The following GNB1L variants were observed in gnomAD, a reference collection of about 807,000 sequenced individuals.
The protein encoded by GNB1L is G protein subunit beta 1 like, also known as guanine nucleotide-binding protein subunit beta-like protein 1.
A neutral mutation model predicts 29.1 loss-of-function variants in GNB1L; 20 were observed. That is an observed-to-expected ratio of 0.69 (90% CI 0.48 to 1.00). The LOEUF (loss-of-function observed/expected upper bound fraction) is 1.00, where lower values mean the gene tolerates loss of function less well. GNB1L is among the 50% of genes least tolerant of loss of function. The pLI is 0.00. For synonymous variants in GNB1L, 193 were observed against 206.5 expected, an observed-to-expected ratio of 0.93 and a Z score of 0.56; for missense variants, 421 against 464.9, an observed-to-expected ratio of 0.91 and a Z score of 0.87.
intron 2 of GNB1L, chr22:19,847,210 AG>A (rs1277982508): frequency 1.0e-6 from 1 of 985,372 alleles, no homozygotes; most frequent in Non-Finnish European, 1.2e-6. Context: ...CAGGTCTGAC[AG>A]GCCCCAGCCA....
chr22:19,794,757 C>G (rs958656512), intron 7 of GNB1L, among the ~76,000 whole-genome samples: 1 of 152,122 alleles, frequency 6.6e-6, no homozygotes, highest in African/African-American at 2.4e-5. Context: ...CCGAGGCAGA[C>G]GGATCACGAG....
chr22:19,803,927 G>A (rs753968481), intron 6 of GNB1L, among the ~76,000 whole-genome samples: 3 of 152,256 alleles, frequency 2.0e-5, no homozygotes, highest in Admixed American at 6.5e-5. Context: ...TCCCATCACC[G>A]ATGTCCTTCT....
chr22:19,789,745 A>C (rs1205254012), intron 7 of GNB1L, among the ~76,000 whole-genome samples: 4 of 150,532 alleles, frequency 2.7e-5, no homozygotes, highest in African/African-American at 9.8e-5. Flanking sequence ...ACTCGGGAGG[A>C]GGATCACCTG....
chr22:19,838,994 C>A (rs367839588), intron 2 of GNB1L, among the ~76,000 whole-genome samples: 5 of 152,288 alleles, frequency 3.3e-5, no homozygotes, highest in Admixed American at 2.0e-4. Context: ...CAGAAAGGAA[C>A]AAACTATTGA....
chr22:19,845,596 G>A (rs938517296), intron 2 of GNB1L, among the ~76,000 whole-genome samples: 4 of 152,238 alleles, frequency 2.6e-5, no homozygotes, highest in Non-Finnish European at 5.9e-5. Flanking sequence ...GAGGCCAGGA[G>A]GAAAGGAGCC....
chr22:19,836,257 T>C (rs1207996312), intron 2 of GNB1L, among the ~76,000 whole-genome samples: 2 of 152,242 alleles, frequency 1.3e-5, no homozygotes, highest in East Asian at 3.9e-4. Flanking sequence ...GGAGATACTA[T>C]GAACAACTCA....
At chr22:19,809,358 C>T (rs1416021005) in intron 5 of GNB1L, among the ~76,000 whole-genome samples, 1 of 152,072 alleles carries the variant, frequency 6.6e-6, no homozygotes, top group African/African-American at 2.4e-5. Flanking sequence ...AGGGGAAAAC[C>T]ATCTCCCTTC....
intron 2 of GNB1L, among the ~76,000 whole-genome samples, chr22:19,853,516 C>A (rs558264793): frequency 6.6e-6 from 1 of 152,294 alleles, no homozygotes; most frequent in South Asian, 2.1e-4. Flanking sequence ...CTTCACCCCA[C>A]ACACAAACGC....
chr22:19,853,822 C>G (rs1208750065), intron 2 of GNB1L, among the ~76,000 whole-genome samples: 1 of 152,198 alleles, frequency 6.6e-6, no homozygotes, highest in Non-Finnish European at 1.5e-5. Flanking sequence ...AGTCCAGTCC[C>G]TCACTGAGCT....
At chr22:19,847,855 T>C (rs1938002408) in intron 2 of GNB1L, 5 of 909,824 alleles carry the variant, frequency 5.5e-6, no homozygotes, top group African/African-American at 1.9e-5. Flanking sequence ...AGTACTTTCA[T>C]AATTGTAACA....
chr22:19,831,567 T>C lies in GNB1L; in HGVS notation c.-20-10192A>G, dbSNP rs1358166697. Among the ~76,000 whole-genome samples the C allele has an allele frequency of 3.3e-5, 5 of 151,742 alleles. No individual in the cohort carries two copies. In the East Asian group the frequency reaches 7.7e-4, roughly 24 times the overall value. ...TTAGCTGGGTGTGGTGGCAGGTGCC[T>C]GTAGTCCCAGTTACTTGGGAGGCTG... is the stretch of plus-strand genomic sequence containing the variant. On this transcript the variant is annotated intron_variant, in intron 2 of 7. Coordinates refer to ENST00000329517, the MANE Select transcript of GNB1L (RefSeq NM_053004.3).
intron 4 of GNB1L, among the ~76,000 whole-genome samples, chr22:19,814,401 G>A (rs1937517558): frequency 6.6e-6 from 1 of 152,196 alleles, no homozygotes; most frequent in Non-Finnish European, 1.5e-5. Flanking sequence ...ACACTCCCCA[G>A]ATGTTAGTAA....
intron 5 of GNB1L, among the ~76,000 whole-genome samples, chr22:19,811,323 G>A (rs577971603): frequency 1.3e-5 from 2 of 152,294 alleles, no homozygotes; most frequent in East Asian, 1.9e-4. Flanking sequence ...CGGGCACAGC[G>A]AATGGGGAGG....
chr22:19,849,429 C>T (rs1192496985), intron 2 of GNB1L: 6 of 458,424 alleles, frequency 1.3e-5, no homozygotes, highest in South Asian at 9.4e-5. Context: ...AGTGCAATGG[C>T]GTGATCTCGG....
chr22:19,814,107 T>A (rs1031402046), intron 4 of GNB1L, among the ~76,000 whole-genome samples: 1 of 152,072 alleles, frequency 6.6e-6, no homozygotes, highest in Non-Finnish European at 1.5e-5. Flanking sequence ...AAGAAGTAAA[T>A]CTGCATGAGC....
At chr22:19,804,768 A>G (rs1052400047) in intron 6 of GNB1L, among the ~76,000 whole-genome samples, 2 of 152,212 alleles carry the variant, frequency 1.3e-5, no homozygotes, top group East Asian at 1.9e-4. Flanking sequence ...TCCATCACCA[A>G]CAGAAACACG....
chr22:19,812,388 A>G lies in GNB1L; in HGVS notation c.314T>C (p.Val105Ala), dbSNP rs940810517. ...CACACTCTCCAAGCACACGGAGTCC[A>G]CGACAGCGCTCCTGCCCTCCGCGAG... is the stretch of plus-strand genomic sequence containing the variant. ...WDLAEGRSAVVDSVCLESVGF... is the reference protein window; with the variant it reads ...WDLAEGRSAVADSVCLESVGF... The change falls in exon 5 of 8, where the codon GTG becomes GCG. Residue 105 changes from valine to alanine, a missense_variant. By Grantham distance (64) the Val-to-Ala change is moderately conservative. Transcript: ENST00000329517. 3 of 1,613,440 alleles carry G rather than the reference A, an allele frequency of 1.9e-6. No individual in the cohort carries two copies. Among genetic ancestry groups the G allele is most frequent in the Non-Finnish European group, 1.7e-6 (2 of 1,179,934 alleles).
chr22:19,788,850 GTGGAACACGCGGA>G lies in GNB1L; in HGVS notation c.830_842del (p.Ile277ThrfsTer72). The stretch of plus-strand genomic sequence containing the variant: ...CGGCCAGTGGCTGCATCGTCCGCCA[GTGGAACACGCGGA>G]TGCGGTGGTCCCAGCCTGCGGTGGC... On this transcript the variant is annotated frameshift_variant, in exon 8 of 8. Coordinates refer to ENST00000329517, the MANE Select transcript of GNB1L (RefSeq NM_053004.3). LOFTEE classifies it high-confidence loss of function. 1 of 1,612,868 alleles carries G rather than the reference GTGGAACACGCGGA, an allele frequency of 6.2e-7. No individual in the cohort carries two copies. Among genetic ancestry groups the G allele is most frequent in the Non-Finnish European group, 8.5e-7 (1 of 1,179,956 alleles).
intron 7 of GNB1L, among the ~76,000 whole-genome samples, chr22:19,791,733 C>T (rs1937255658): frequency 6.6e-6 from 1 of 152,144 alleles, no homozygotes; most frequent in South Asian, 2.1e-4. Flanking sequence ...GTCAACAGTG[C>T]CGGGGGTCCA....
Sources: allele counts gnomAD v4.1 joint callset (sites outside exome capture counted in the v4.1 genomes callset), GRCh38; gene constraint gnomAD v4.1.1; transcripts MANE v1.5; gene names NCBI Gene and HGNC (gene_info 2026-07-23, HGNC 2026-07-21).